TGFBR1: variants seen among roughly 807,000 people sequenced by gnomAD.
TGFBR1 encodes the protein TGF-beta receptor type-1.
TGFBR1 carries 20 observed loss-of-function variants against 55.1 expected under a neutral mutation model. The ratio of observed to expected loss-of-function variants is 0.36; its 90% confidence interval spans 0.26 to 0.53. The LOEUF (loss-of-function observed/expected upper bound fraction) is 0.53. TGFBR1 is among the 20% of genes least tolerant of loss of function. TGFBR1 has a pLI of 0.91. For synonymous variants in TGFBR1, 220 were observed against 214.8 expected (o/e 1.02, Z -0.21); for missense variants, 385 against 617.6 (o/e 0.62, Z 3.99).
At chr9:99,138,302 T>C (rs1484326827) in intron 4 of TGFBR1, among the ~76,000 whole-genome samples, 1 of 152,206 alleles carries the variant, frequency 6.6e-6, no homozygotes, top group Admixed American at 6.5e-5. Flanking sequence ...TAAAATCTCT[T>C]AATGTTTTAT....
At chr9:99,126,862 A>G (rs779613481) in intron 1 of TGFBR1, among the ~76,000 whole-genome samples, 19 of 152,198 alleles carry the variant, frequency 1.2e-4, no homozygotes, top group Non-Finnish European at 2.6e-4. Flanking sequence ...CAAATAGCTG[A>G]CCTGTCTATG....
At chr9:99,115,155 C>T (rs528669315) in intron 1 of TGFBR1, among the ~76,000 whole-genome samples, 6 of 152,162 alleles carry the variant, frequency 3.9e-5, no homozygotes, top group South Asian at 2.1e-4. Flanking sequence ...GTGAACAATT[C>T]GGGTTTATCA....
rs909420893 is a variant in TGFBR1 at position 99,150,003 on chromosome 9, C to G, written c.*698C>G. ...AAATGAGTAGAATTGCTGAAAGTCT[C>G]TATGTTAAAACCTATAGTGTTTGAA... On this transcript the variant is annotated 3_prime_UTR_variant, in exon 9 of 9. Coordinates refer to ENST00000374994, the MANE Select transcript of TGFBR1 (RefSeq NM_004612.4). The G allele has an allele frequency of 5.3e-6, 1 of 188,630 alleles. No individual in the cohort carries two copies. Among genetic ancestry groups the G allele is most frequent in the Admixed American group, 6.2e-5 (1 of 16,234 alleles). 11.7% of individuals were successfully genotyped at this position (188,630 alleles called of 1,614,324 possible).
chr9:99,122,832 C>T (rs905090885), intron 1 of TGFBR1, among the ~76,000 whole-genome samples: 1 of 152,050 alleles, frequency 6.6e-6, no homozygotes, highest in African/African-American at 2.4e-5. Flanking sequence ...CAAATAATTA[C>T]AGTGATGGTG....
chr9:99,142,578 A>G lies in TGFBR1; in HGVS notation c.848A>G (p.His283Arg), dbSNP rs1064796037. 1 of 1,614,106 alleles carries G rather than the reference A, an allele frequency of 6.2e-7. No homozygotes were observed. Among genetic ancestry groups the G allele is most frequent in the Non-Finnish European group, 8.5e-7 (1 of 1,179,958 alleles). ...CAGCTCTGGTTGGTGTCAGATTATC[A>G]TGAGCATGGATCCCTTTTTGATTAC... ...WTQLWLVSDY[H>R]EHGSLFDYLN... The change falls in exon 5 of 9, where the codon CAT (histidine) becomes CGT (arginine). Residue 283 changes from histidine to arginine, a missense_variant. Physicochemically the swap from His to Arg is conservative, Grantham distance 29. Coordinates refer to ENST00000374994, the MANE Select transcript of TGFBR1 (RefSeq NM_004612.4).
chr9:99,121,466 C>T (rs997113242), intron 1 of TGFBR1, among the ~76,000 whole-genome samples: 9 of 152,016 alleles, frequency 5.9e-5, no homozygotes, highest in African/African-American at 1.7e-4. Context: ...AAAGAGGACA[C>T]GTCTCCTTGA....
chr9:99,143,791 A>G (rs1827700099), intron 5 of TGFBR1, among the ~76,000 whole-genome samples: 1 of 152,224 alleles, frequency 6.6e-6, no homozygotes, highest in Non-Finnish European at 1.5e-5. Context: ...CCCTGTAGCC[A>G]CTAGCAGTCA....
At position 99,151,569 on chromosome 9, in the gene TGFBR1, A is replaced by G. The variant is rs932057495; in HGVS notation, c.*2264A>G. 2.2e-5 allele frequency: 5 copies of G among 230,222 alleles called. No homozygotes were observed. The highest frequency in any genetic ancestry group is 6.3e-5 in the East Asian group (1 of 15,904). 14.3% of individuals were successfully genotyped at this position (230,222 alleles called of 1,614,324 possible). On this transcript the variant is annotated 3_prime_UTR_variant, in exon 9 of 9. Transcript: ENST00000374994. ...AATACATGATTTCTCACTTTCATGTAAGGTTATCCACTTTTGCTGAAGATA... is the reference window on the plus strand; with the variant it reads ...AATACATGATTTCTCACTTTCATGTGAGGTTATCCACTTTTGCTGAAGATA...
Position 99,144,902 on chromosome 9 carries a change from C to G in TGFBR1, c.1130+14C>G, listed in dbSNP as rs757438051. 5.0e-6 allele frequency: 8 copies of G among 1,612,738 alleles called. 1 individual carries two copies. In the African/African-American group the frequency reaches 1.1e-4, roughly 22 times the overall value. On this transcript the variant is annotated intron_variant, in intron 6 of 8. Transcript: ENST00000374994. ...GGGAACAAAAAGGTATACTTTTGAA[C>G]AACTATATTTAATATCTTCTGAAAT...
At chr9:99,128,615 C>A in intron 1 of TGFBR1, 1 of 621,020 alleles carries the variant, frequency 1.6e-6, no homozygotes, top group Non-Finnish European at 2.9e-6. Flanking sequence ...CAAAAAACTT[C>A]AGGAAAAAAC....
upstream of TGFBR1, among the ~76,000 whole-genome samples, chr9:99,104,480 G>C (rs958362564): frequency 6.6e-6 from 1 of 152,148 alleles, no homozygotes; most frequent in African/African-American, 2.4e-5. Context: ...TGGGGGAGCT[G>C]GGTTTGGGGT....
chr9:99,135,657 G>A (rs1017001933), intron 3 of TGFBR1, among the ~76,000 whole-genome samples: 2 of 152,074 alleles, frequency 1.3e-5, no homozygotes, highest in African/African-American at 2.4e-5. Context: ...TATGGCGTGT[G>A]CAGCTTATGA....
intron 1 of TGFBR1, among the ~76,000 whole-genome samples, chr9:99,109,108 G>T (rs916396039): frequency 3.3e-5 from 5 of 152,156 alleles, no homozygotes; most frequent in South Asian, 2.1e-4. Flanking sequence ...TCCACGAAGG[G>T]ATGAGTGACT....
intron 1 of TGFBR1, among the ~76,000 whole-genome samples, chr9:99,111,945 C>A (rs1292553927): frequency 6.6e-6 from 1 of 152,096 alleles, no homozygotes; most frequent in African/African-American, 2.4e-5. Flanking sequence ...GATCTCTCTG[C>A]CTTGCAGGAG....
At chr9:99,136,909 C>T (rs1318957833) in intron 3 of TGFBR1, among the ~76,000 whole-genome samples, 1 of 152,086 alleles carries the variant, frequency 6.6e-6, no homozygotes, top group Non-Finnish European at 1.5e-5. Flanking sequence ...ACATGATGTA[C>T]ACTGGCATTT....
At chr9:99,129,947 C>T (rs1320863008) in intron 2 of TGFBR1, among the ~76,000 whole-genome samples, 1 of 152,036 alleles carries the variant, frequency 6.6e-6, no homozygotes, top group East Asian at 1.9e-4. Context: ...GCAGAACCAG[C>T]AGTTTGAAGA....
intron 1 of TGFBR1, among the ~76,000 whole-genome samples, chr9:99,128,456 A>G (rs1827104190): frequency 6.8e-6 from 1 of 147,784 alleles, no homozygotes; most frequent in South Asian, 2.1e-4. Context: ...GAGTATGTGA[A>G]TGTTTAGTTT....
At chr9:99,142,141 C>A (rs759650064) in intron 4 of TGFBR1, among the ~76,000 whole-genome samples, 8 of 152,094 alleles carry the variant, frequency 5.3e-5, no homozygotes, top group Non-Finnish European at 1.2e-4. Context: ...TCCTTGCTTC[C>A]CTCTCTGTTC....
At chr9:99,131,032 CA>C (rs1827207933) in intron 2 of TGFBR1, among the ~76,000 whole-genome samples, 1 of 151,914 alleles carries the variant, frequency 6.6e-6, no homozygotes, top group Non-Finnish European at 1.5e-5. Flanking sequence ...TTAGATGATC[CA>C]ATATGCTTAT....
Sources: allele counts gnomAD v4.1 joint callset (sites outside exome capture counted in the v4.1 genomes callset), GRCh38; gene constraint gnomAD v4.1.1; transcripts MANE v1.5; gene names NCBI Gene and HGNC (gene_info 2026-07-23, HGNC 2026-07-21).